Variants in MAD1L1 observed in about 807,000 individuals in gnomAD.
MAD1L1 encodes the protein mitotic arrest deficient 1 like 1.
Under a neutral mutation model 96.9 loss-of-function variants are expected in MAD1L1, and 95 were observed. The observed-to-expected ratio is 0.98, with a 90% confidence interval of 0.83 to 1.16. MAD1L1 has a LOEUF of 1.16. MAD1L1 is among the 50% of genes most tolerant of loss of function. The pLI, the probability that MAD1L1 is intolerant of heterozygous loss-of-function variation, is 0.00. For missense variants in MAD1L1, 1,007 were observed against 954.4 expected, an observed-to-expected ratio of 1.06 and a Z score of -0.73; for synonymous variants, 473 against 396.6, an observed-to-expected ratio of 1.19 and a Z score of -2.29.
intron 14 of MAD1L1, among the ~76,000 whole-genome samples, chr7:1,986,229 G>A (rs1781133518): frequency 6.6e-6 from 1 of 152,210 alleles, no homozygotes; most frequent in Non-Finnish European, 1.5e-5. Context: ...GTTTTCCTAA[G>A]AGCAAATGTT....
At chr7:1,887,691 G>C (rs370341776) in intron 18 of MAD1L1, among the ~76,000 whole-genome samples, 1 of 151,470 alleles carries the variant, frequency 6.6e-6, no homozygotes, top group East Asian at 1.9e-4. Context: ...GCATGTGGGT[G>C]GCTGTGCATG....
intron 11 of MAD1L1, among the ~76,000 whole-genome samples, chr7:2,123,414 G>A (rs776159803): frequency 2.6e-5 from 4 of 152,220 alleles, no homozygotes; most frequent in Non-Finnish European, 5.9e-5. Context: ...AGCGAAACTG[G>A]GCTGGGGTGC....
chr7:2,199,520 T>C (rs769037848), intron 10 of MAD1L1, among the ~76,000 whole-genome samples: 8 of 152,270 alleles, frequency 5.3e-5, no homozygotes, highest in African/African-American at 1.9e-4. Context: ...AAATCATTGA[T>C]GGTTTTCTTA....
At chr7:2,101,848 C>T (rs1786794999) in intron 11 of MAD1L1, among the ~76,000 whole-genome samples, 1 of 152,156 alleles carries the variant, frequency 6.6e-6, no homozygotes, top group South Asian at 2.1e-4. Flanking sequence ...CATCACAGCC[C>T]AAGCTGGCCC....
chr7:2,232,301 G>C (rs1336958355), intron 1 of MAD1L1, among the ~76,000 whole-genome samples: 1 of 152,264 alleles, frequency 6.6e-6, no homozygotes, highest in African/African-American at 2.4e-5. Context: ...CGCAGAGGCA[G>C]GCCCGCCTGG....
intron 18 of MAD1L1, chr7:1,849,225 C>A (rs1037665408): frequency 6.6e-6 from 1 of 152,312 alleles, no homozygotes; most frequent in East Asian, 1.9e-4. Flanking sequence ...CTTCACTCAG[C>A]GGCACTTGGG....
chr7:2,124,065 C>A (rs1306913113), intron 11 of MAD1L1, among the ~76,000 whole-genome samples: 2 of 152,196 alleles, frequency 1.3e-5, no homozygotes, highest in African/African-American at 4.8e-5. Flanking sequence ...CGGGCAAACA[C>A]CTCCAGGAGC....
intron 12 of MAD1L1, among the ~76,000 whole-genome samples, chr7:2,025,646 T>TA (rs1782964645): frequency 6.6e-6 from 1 of 152,202 alleles, no homozygotes; most frequent in Admixed American, 6.5e-5. Context: ...TGTGTACATA[T>TA]AAATGAATAT....
In MAD1L1 at chr7:1,974,694, G is replaced by A. The variant is rs1780551960; in HGVS notation, c.1505+5759C>T. On this transcript the variant is annotated intron_variant, in intron 15 of 18. Transcript: ENST00000265854. Reference sequence around the variant, plus strand: ...ATCCAAGTAACAGTTTCAGAAAGAAGACACAGAAAACAGAGGAGAGGAAAT... The same window carrying A: ...ATCCAAGTAACAGTTTCAGAAAGAAAACACAGAAAACAGAGGAGAGGAAAT... Among the ~76,000 whole-genome samples the A allele has an allele frequency of 2.6e-5, 4 of 152,234 alleles. No homozygotes were observed. The South Asian group carries it at 8.3e-4, about 32-fold the overall frequency.
chr7:2,150,388 C>G, intron 10 of MAD1L1, among the ~76,000 whole-genome samples: 1 of 152,170 alleles, frequency 6.6e-6, no homozygotes, highest in Non-Finnish European at 1.5e-5. Flanking sequence ...TGGGCCCGAC[C>G]AGACTCTGCC....
rs373115707 is a variant in MAD1L1, at chr7:2,225,413, G to A, written c.288C>T (p.Tyr96=). 6.5e-5 allele frequency: 105 copies of A among 1,612,796 alleles called. No homozygotes were observed. The African/African-American group carries it at 7.2e-4, about 11-fold the overall frequency. ...ERAASTSARN[Y]EREVDRNQEL... ...CCCTCGCCCCGCCTGAACCCACCTC[G>A]TAGTTCCTGGCACTGGTGCTGGCTG... Residue 96 remains tyrosine (Y), a synonymous_variant, in exon 4 of 19, where the codon TAC becomes TAT. Coordinates refer to ENST00000265854, the MANE Select transcript of MAD1L1 (RefSeq NM_001013836.2).
chr7:2,195,620 C>T (rs1244056988), intron 10 of MAD1L1, among the ~76,000 whole-genome samples: 5 of 152,208 alleles, frequency 3.3e-5, no homozygotes, highest in African/African-American at 1.2e-4. Flanking sequence ...TAGTTTGCAC[C>T]TGATAAAAAA....
chr7:2,126,235 G>A (rs1788224280), intron 11 of MAD1L1, among the ~76,000 whole-genome samples: 3 of 152,256 alleles, frequency 2.0e-5, no homozygotes, highest in Non-Finnish European at 4.4e-5. Flanking sequence ...AAGGCTCAGT[G>A]CGCGGCCCAT....
rs569783116 is a variant in MAD1L1 at position 1,870,534 on chromosome 7, G to A, written c.1998+27666C>T. On this transcript the variant is annotated intron_variant, in intron 18 of 18. Transcript: ENST00000265854. ...ACTGAACCCAACATAAGCCTGCCAC[G>A]CTGAACCGACCATAACACCTGCCAC... Among the ~76,000 whole-genome samples the A allele has an allele frequency of 5.5e-3, 712 of 129,928 alleles. 8 individuals are homozygous for A. Among genetic ancestry groups the A allele is most frequent in the African/African-American group, 0.02 (676 of 33,710 alleles). 85.2% of individuals were successfully genotyped at this position (129,928 alleles called of 152,430 possible).
chr7:1,845,049 C>A (rs556912740), intron 18 of MAD1L1, among the ~76,000 whole-genome samples: 1 of 152,216 alleles, frequency 6.6e-6, no homozygotes, highest in South Asian at 2.1e-4. Context: ...GCAGCCAAGG[C>A]CCCACCTGGC....
chr7:1,931,646 C>G (rs2128461307), intron 17 of MAD1L1, among the ~76,000 whole-genome samples: 1 of 150,750 alleles, frequency 6.6e-6, no homozygotes, highest in Non-Finnish European at 1.5e-5. Flanking sequence ...CTCCCTCCCT[C>G]CCACCCTGCA....
chr7:2,079,555 C>T, intron 11 of MAD1L1: 1 of 453,136 alleles, frequency 2.2e-6, no homozygotes, highest in Non-Finnish European at 4.6e-6. Context: ...TCACCAAATT[C>T]AATTTGCATT....
chr7:1,862,462 A>G (rs974604588), intron 18 of MAD1L1, among the ~76,000 whole-genome samples: 1 of 152,190 alleles, frequency 6.6e-6, no homozygotes, highest in Non-Finnish European at 1.5e-5. Flanking sequence ...TGTGCCGGAG[A>G]GTCCCGAGAC....
chr7:2,100,543 C>T (rs571400382), intron 11 of MAD1L1, among the ~76,000 whole-genome samples: 4 of 152,360 alleles, frequency 2.6e-5, no homozygotes, highest in East Asian at 3.9e-4. Context: ...AAGCCCTGAG[C>T]GGGCCCTGCA....
Sources: allele counts gnomAD v4.1 joint callset (sites outside exome capture counted in the v4.1 genomes callset), GRCh38; gene constraint gnomAD v4.1.1; transcripts MANE v1.5; gene names NCBI Gene and HGNC (gene_info 2026-07-23, HGNC 2026-07-21).